Variants in ZNF324B observed in about 807,000 individuals in gnomAD.
ZNF324B encodes zinc finger protein 324B.
Under a neutral mutation model 10.6 loss-of-function variants are expected in ZNF324B, and 7 were observed. The ratio of observed to expected loss-of-function variants is 0.66; its 90% CI spans 0.38 to 1.24. The LOEUF (loss-of-function observed/expected upper bound fraction) is 1.24. Ranked by LOEUF, ZNF324B falls within the 50% of genes most tolerant of loss-of-function variation. ZNF324B has a pLI of 0.02. For synonymous variants in ZNF324B, 316 were observed against 321.0 expected, an observed-to-expected ratio of 0.98 and a Z score of 0.17; for missense variants, 640 against 764.7, an observed-to-expected ratio of 0.84 and a Z score of 1.92.
At chr19:58,451,727 C>T in intron 1 of ZNF324B, 23 bp downstream of exon 1, 1 of 454,372 alleles carries the variant, frequency 2.2e-6, no homozygotes, top group Non-Finnish European at 4.3e-6. Flanking sequence ...AGCAGCCGGC[C>T]GCGCCCCCAA....
upstream of ZNF324B, among the ~76,000 whole-genome samples, chr19:58,446,871 G>A (rs951744434): frequency 2.0e-5 from 3 of 151,578 alleles, no homozygotes; most frequent in African/African-American, 7.3e-5. Context: ...CACTGCACCC[G>A]ACCTCTCTCC....
At chr19:58,436,103 T>A in the ZNF324B span, among the ~76,000 whole-genome samples, 1 of 152,280 alleles carries the variant, frequency 6.6e-6, no homozygotes, top group East Asian at 1.9e-4. Context: ...TACATAGTAT[T>A]CTATAAAATG....
chr19:58,434,042 A>T, the ZNF324B span: 2 of 1,614,154 alleles, frequency 1.2e-6, no homozygotes, highest in Non-Finnish European at 1.7e-6. Context: ...CTTTGGCTGA[A>T]GTCTCTTCCA....
upstream of ZNF324B, among the ~76,000 whole-genome samples, chr19:58,450,594 C>T (rs2052849318): frequency 6.6e-6 from 1 of 151,192 alleles, no homozygotes; most frequent in East Asian, 1.9e-4. Context: ...TAAATAAAAA[C>T]ATTCAAAAAT....
chr19:58,439,619 C>G, the ZNF324B span: 3 of 864,854 alleles, frequency 3.5e-6, no homozygotes, highest in Non-Finnish European at 5.0e-6. Context: ...TAAGTGACTC[C>G]CAGGGCAGGG....
the ZNF324B span, chr19:58,434,414 C>T: frequency 5.6e-5 from 91 of 1,614,252 alleles, no homozygotes; most frequent in East Asian, 1.2e-3. Flanking sequence ...TAAGGTCTTT[C>T]TCCTGAGTGA....
At chr19:58,448,779 C>G (rs936581731), upstream of ZNF324B, among the ~76,000 whole-genome samples, 2 of 151,990 alleles carry the variant, frequency 1.3e-5, no homozygotes, top group African/African-American at 4.8e-5. Context: ...TTCTAAGCAG[C>G]AAAGCATTCA....
chr19:58,434,379 G>A, the ZNF324B span: 1 of 1,614,218 alleles, frequency 6.2e-7, no homozygotes, highest in Non-Finnish European at 8.5e-7. Flanking sequence ...TGTTACTGAA[G>A]GCTTTCCCAC....
At position 58,456,130 on chromosome 19, in the gene ZNF324B, C is replaced by T. The variant is rs2052917784; in HGVS notation, c.1186C>T (p.Pro396Ser). 1 of 1,613,504 alleles carries T rather than the reference C, an allele frequency of 6.2e-7. No homozygotes were observed. Among genetic ancestry groups the T allele is most frequent in the Non-Finnish European group, 8.5e-7 (1 of 1,179,864 alleles). ...QHERTHTGEKPFVCALCGAAF... is the reference protein window; with the variant it reads ...QHERTHTGEKSFVCALCGAAF... ...CGAGCGTACGCACACAGGCGAGAAG[C>T]CCTTCGTATGCGCGCTCTGCGGTGC... The change falls in exon 4 of 4, where the codon CCC (proline) becomes TCC (serine). Residue 396 changes from proline to serine, a missense_variant. By Grantham distance (74) the Pro-to-Ser change is moderately conservative. This residue lies in a region of ZNF324B where 238 missense variants were observed against 258.0 expected (regional missense o/e 0.92). Coordinates refer to ENST00000336614, the MANE Select transcript of ZNF324B (RefSeq NM_207395.3). This position sits in a 1 kb window ranked among gnomAD's most constrained non-coding sequence, Gnocchi z 4.7.
chr19:58,421,395 C>A, the ZNF324B span, among the ~76,000 whole-genome samples: 83,463 of 151,994 alleles, frequency 0.55, 24,479 homozygotes, highest in African/African-American at 0.77. Flanking sequence ...AGCCAATCCA[C>A]ATTGTAATTT....
the ZNF324B span, chr19:58,433,015 A>C: frequency 3.0e-6 from 1 of 331,944 alleles, no homozygotes; most frequent in South Asian, 5.2e-5. Context: ...TCAGCTGAGC[A>C]CAGTCCTGAA....
At chr19:58,450,739 T>C (rs540847120), upstream of ZNF324B, among the ~76,000 whole-genome samples, 105 of 152,302 alleles carry the variant, frequency 6.9e-4, 2 homozygotes, top group Middle Eastern at 3.4e-3. Flanking sequence ...ACTTGACATC[T>C]GAGAACTGTC....
chr19:58,423,930 A>G, the ZNF324B span, among the ~76,000 whole-genome samples: 8 of 152,120 alleles, frequency 5.3e-5, no homozygotes, highest in Non-Finnish European at 1.2e-4. Context: ...ATATGACTCA[A>G]AACTGTAAAA....
At chr19:58,451,886 A>G (rs1229681303) in intron 1 of ZNF324B, 182 bp downstream of exon 1, 4 of 251,824 alleles carry the variant, frequency 1.6e-5, no homozygotes, top group South Asian at 6.5e-5. Context: ...GGCGCGGGGC[A>G]GCCGCGGGAG....
intron 3 of ZNF324B, 65 bp downstream of exon 3, chr19:58,454,409 TTC>T: frequency 9.5e-7 from 1 of 1,049,942 alleles, no homozygotes; most frequent in Non-Finnish European, 1.5e-6. Context: ...GTCCCTGCTT[TTC>T]TGACTCTGGA....
At chr19:58,435,333 A>G in the ZNF324B span, 1 of 1,125,868 alleles carries the variant, frequency 8.9e-7, no homozygotes. Context: ...TGACAGGCCA[A>G]CAGGGCCATC....
rs779414414 is a variant in ZNF324B, at chr19:58,456,260, A to G, written c.1316A>G (p.Asn439Ser). ...QCGRSFSRSSNLTQHQLLHTG... is the reference protein window; with the variant it reads ...QCGRSFSRSSSLTQHQLLHTG... Reference sequence around the variant, plus strand: ...GGCCGCTCCTTTAGCCGCAGCTCCAACCTCACCCAGCACCAGCTCCTGCAC... The same window carrying G: ...GGCCGCTCCTTTAGCCGCAGCTCCAGCCTCACCCAGCACCAGCTCCTGCAC... Residue 439 changes from asparagine to serine, a missense_variant, in exon 4 of 4, where the codon AAC becomes AGC. Asn to Ser is a conservative substitution (Grantham distance 46). Coordinates refer to ENST00000336614, the MANE Select transcript of ZNF324B (RefSeq NM_207395.3). This position sits in a 1 kb window ranked among gnomAD's most constrained non-coding sequence, Gnocchi z 4.7. 9.9e-6 allele frequency: 16 copies of G among 1,612,928 alleles called. No individual in the cohort carries two copies. The highest frequency in any genetic ancestry group is 1.7e-5 in the Admixed American group (1 of 60,006).
the ZNF324B span, chr19:58,440,444 C>A: frequency 0.55 from 83,586 of 152,858 alleles, 24,349 homozygotes; most frequent in African/African-American, 0.76. Context: ...CACAGCCTGG[C>A]AGCGGGACTT....
chr19:58,450,472 A>AG (rs199648142), upstream of ZNF324B, among the ~76,000 whole-genome samples: 296 of 152,028 alleles, frequency 1.9e-3, 1 homozygote, highest in Middle Eastern at 0.01. Flanking sequence ...CTCAAAAAAA[A>AG]AAAAAAAAAA....
Sources: gnomAD v4.1 joint callset for allele counts (sites outside exome capture counted in the v4.1 genomes callset) on GRCh38, gnomAD v4.1.1 for gene constraint, gnomAD v4.1.1 regional missense constraint, Gnocchi (gnomAD v3.1) non-coding constraint, MANE v1.5 for transcripts, NCBI Gene and HGNC (gene_info 2026-07-23, HGNC 2026-07-21) for gene names.